The following MEI4 variants were observed in gnomAD, a reference collection of about 807,000 sequenced individuals.
MEI4 encodes the protein meiotic double-stranded break formation protein 4.
A neutral mutation model predicts 31.4 loss-of-function variants in MEI4; 27 were observed. The ratio of observed to expected loss-of-function variants is 0.86; its 90% CI spans 0.63 to 1.19. The LOEUF (loss-of-function observed/expected upper bound fraction) is 1.19, where lower values mean the gene tolerates loss of function less well. Ranked by LOEUF, MEI4 falls within the 50% of genes most tolerant of loss-of-function variation. The probability of loss-of-function intolerance (pLI) is 0.00; values close to 1 mark genes in which losing one functional copy is unlikely to be tolerated. For missense variants in MEI4, 329 were observed against 398.9 expected (o/e 0.82, Z 1.49); for synonymous variants, 122 against 145.4 (o/e 0.84, Z 1.16).
intron 3 of MEI4, among the ~76,000 whole-genome samples, chr6:77,812,331 G>A (rs1769592076): frequency 6.6e-6 from 1 of 151,888 alleles, no homozygotes; most frequent in Non-Finnish European, 1.5e-5. Context: ...AAGCAAGCAA[G>A]AAAAAAAGTT....
At chr6:77,859,654 A>G (rs1770823417) in intron 4 of MEI4, among the ~76,000 whole-genome samples, 1 of 152,154 alleles carries the variant, frequency 6.6e-6, no homozygotes, top group Non-Finnish European at 1.5e-5. Context: ...TTTTGGCCGC[A>G]TAAATGTCTC....
intron 3 of MEI4, among the ~76,000 whole-genome samples, chr6:77,818,870 T>C (rs1213971689): frequency 6.6e-6 from 1 of 152,066 alleles, no homozygotes; most frequent in Non-Finnish European, 1.5e-5. Flanking sequence ...ACTGAGACCA[T>C]AGGTGTGCAC....
intron 2 of MEI4, among the ~76,000 whole-genome samples, chr6:77,706,199 CT>C (rs1204661080): frequency 6.6e-6 from 1 of 152,182 alleles, no homozygotes; most frequent in African/African-American, 2.4e-5. Context: ...CTCTAACCTT[CT>C]TCTGCCTTTC....
At chr6:77,906,746 G>C (rs1207396278) in intron 4 of MEI4, among the ~76,000 whole-genome samples, 1 of 152,140 alleles carries the variant, frequency 6.6e-6, no homozygotes, top group Admixed American at 6.6e-5. Flanking sequence ...AATGGCACTG[G>C]GCTTAGGGCA....
chr6:77,767,863 A>G (rs555474324), intron 3 of MEI4, among the ~76,000 whole-genome samples: 1 of 152,322 alleles, frequency 6.6e-6, no homozygotes, highest in Non-Finnish European at 1.5e-5. Flanking sequence ...GAATTTTCAA[A>G]GCAGTGTTTA....
intron 1 of MEI4, among the ~76,000 whole-genome samples, chr6:77,653,591 T>A (rs1274335737): frequency 6.6e-6 from 1 of 152,118 alleles, no homozygotes; most frequent in Non-Finnish European, 1.5e-5. Flanking sequence ...ATTGTTCAAT[T>A]TAAAAGGTAG....
intron 3 of MEI4, among the ~76,000 whole-genome samples, chr6:77,792,992 G>A (rs559993911): frequency 2.0e-4 from 30 of 152,190 alleles, no homozygotes; most frequent in African/African-American, 6.7e-4. Flanking sequence ...GATTACAGGC[G>A]GGAGCCATCA....
At chr6:77,902,207 G>A (rs964198164) in intron 4 of MEI4, among the ~76,000 whole-genome samples, 2 of 151,876 alleles carry the variant, frequency 1.3e-5, no homozygotes, top group African/African-American at 2.4e-5. Flanking sequence ...AGCTCTTCAC[G>A]ATTATTAAAA....
intron 2 of MEI4, among the ~76,000 whole-genome samples, chr6:77,745,110 C>T (rs1767555638): frequency 6.6e-6 from 1 of 152,148 alleles, no homozygotes; most frequent in South Asian, 2.1e-4. Flanking sequence ...ATCAAATTCA[C>T]ACATAACAAT....
Position 77,845,610 on chromosome 6 carries a change from A to G in MEI4, c.900+16548A>G, listed in dbSNP as rs117991610. On this transcript the variant is annotated intron_variant, in intron 4 of 4. Transcript: ENST00000684080. ...CACTAACTTTTTCTTTTTATTTGGG[A>G]TATTTCTTTTATTATGTACTTCATT... Among the ~76,000 whole-genome samples, 1,201 of 151,902 alleles carry G rather than the reference A, an allele frequency of 7.9e-3. 9 individuals carry two copies. The highest frequency in any genetic ancestry group is 0.012 in the Non-Finnish European group (789 of 67,924).
intron 2 of MEI4, among the ~76,000 whole-genome samples, chr6:77,754,875 A>C (rs932300974): frequency 3.9e-5 from 6 of 152,158 alleles, no homozygotes; most frequent in African/African-American, 1.4e-4. Flanking sequence ...ACACAGCAGT[A>C]ACCACCCCCA....
intron 1 of MEI4, among the ~76,000 whole-genome samples, chr6:77,672,460 T>A (rs1768763083): frequency 6.6e-6 from 1 of 152,242 alleles, no homozygotes; most frequent in Admixed American, 6.5e-5. Flanking sequence ...CTATCATTGC[T>A]AAATAACAAA....
At chr6:77,752,000 C>A (rs1352659583) in intron 2 of MEI4, among the ~76,000 whole-genome samples, 1 of 152,148 alleles carries the variant, frequency 6.6e-6, no homozygotes, top group Non-Finnish European at 1.5e-5. Context: ...ATCACATAAA[C>A]AGAACCAATG....
intron 3 of MEI4, among the ~76,000 whole-genome samples, chr6:77,780,105 C>A (rs1188853412): frequency 6.6e-6 from 1 of 152,080 alleles, no homozygotes; most frequent in Non-Finnish European, 1.5e-5. Context: ...GGAGTCCGGT[C>A]TGAGGGGTGG....
chr6:77,868,878 C>G (rs574519873), intron 4 of MEI4, among the ~76,000 whole-genome samples: 1 of 152,126 alleles, frequency 6.6e-6, no homozygotes, highest in South Asian at 2.1e-4. Context: ...GCAGCACAGC[C>G]TGGTCACTGA....
intron 3 of MEI4, among the ~76,000 whole-genome samples, chr6:77,787,214 A>G (rs971208597): frequency 1.3e-5 from 2 of 152,150 alleles, no homozygotes; most frequent in African/African-American, 4.8e-5. Flanking sequence ...GGGATTTTCT[A>G]CTAGAGAAAC....
At position 77,752,949 on chromosome 6, in the gene MEI4, G is replaced by A. The variant is rs144701170; in HGVS notation, c.233-8181G>A. On this transcript the variant is annotated intron_variant, in intron 2 of 4. Transcript: ENST00000684080. ...ACGGAGTCCTCAGAAATAACGCCACGCATCTATAACCATTGGATCTTTGAC... is the reference window on the plus strand; with the variant it reads ...ACGGAGTCCTCAGAAATAACGCCACACATCTATAACCATTGGATCTTTGAC... 2.0e-3 allele frequency among the ~76,000 whole-genome samples: 298 copies of A among 152,108 alleles called. 1 individual carries two copies. The highest frequency in any genetic ancestry group is 5.4e-3 in the African/African-American group (226 of 41,532).
At chr6:77,804,307 GCAGTA>G (rs1769368502) in intron 3 of MEI4, among the ~76,000 whole-genome samples, 1 of 152,176 alleles carries the variant, frequency 6.6e-6, no homozygotes, top group South Asian at 2.1e-4. Context: ...TTGGAAGAGC[GCAGTA>G]TTAGGGTGGG....
At chr6:77,707,091 G>A (rs773403536) in intron 2 of MEI4, among the ~76,000 whole-genome samples, 2 of 133,326 alleles carry the variant, frequency 1.5e-5, no homozygotes, top group Non-Finnish European at 3.4e-5. Context: ...GAAGAAGACA[G>A]GAAGCTAAGG....
Sources: gnomAD v4.1 joint callset for allele counts (sites outside exome capture counted in the v4.1 genomes callset) on GRCh38, gnomAD v4.1.1 for gene constraint, MANE v1.5 for transcripts, NCBI Gene and HGNC (gene_info 2026-07-23, HGNC 2026-07-21) for gene names.